SORBS2: variants seen among roughly 807,000 people sequenced by gnomAD.
The protein encoded by SORBS2 is sorbin and SH3 domain containing 2.
In SORBS2, 46 loss-of-function variants were observed where a neutral mutation model predicts 97.7. That is an observed-to-expected ratio of 0.47 (90% CI 0.37 to 0.60). The LOEUF (loss-of-function observed/expected upper bound fraction) is 0.60. Ranked by LOEUF, SORBS2 falls within the 20% of genes least tolerant of loss-of-function variation. The probability of loss-of-function intolerance (pLI) is 0.00; values close to 1 mark genes in which losing one functional copy is unlikely to be tolerated. For missense variants in SORBS2, 1,316 were observed against 1,282.3 expected (o/e 1.03, Z -0.40); for synonymous variants, 476 against 473.4 (o/e 1.01, Z -0.07).
chr4:185,874,274 G>T (rs13139354), intron 1 of SORBS2, among the ~76,000 whole-genome samples: 4 of 151,858 alleles, frequency 2.6e-5, no homozygotes, highest in African/African-American at 9.7e-5. Flanking sequence ...TAAAATACTC[G>T]CTGTGATCCC....
At chr4:185,721,355 G>A (rs955865867) in intron 2 of SORBS2, among the ~76,000 whole-genome samples, 6 of 152,156 alleles carry the variant, frequency 3.9e-5, no homozygotes, top group African/African-American at 1.2e-4. Context: ...GATTACAGGC[G>A]TGAGCCAGCA....
intron 1 of SORBS2, among the ~76,000 whole-genome samples, chr4:185,876,606 C>T (rs62334988): frequency 0.28 from 42,760 of 151,898 alleles, 6,248 homozygotes; most frequent in East Asian, 0.54. Context: ...AGATGCCCGC[C>T]AAGTGTCTTT....
chr4:185,666,165 A>G (rs745791718), intron 4 of SORBS2: 2 of 1,289,880 alleles, frequency 1.6e-6, no homozygotes, highest in South Asian at 2.5e-5. Flanking sequence ...TCTGTGAAGC[A>G]TTTACCTCCA....
chr4:185,694,212 C>T (rs1414534924), intron 2 of SORBS2, among the ~76,000 whole-genome samples: 1 of 152,216 alleles, frequency 6.6e-6, no homozygotes, highest in Non-Finnish European at 1.5e-5. Flanking sequence ...CTCTTTTGTT[C>T]TGCTCTGAAA....
At chr4:185,764,511 C>A (rs1397379793) in intron 2 of SORBS2, among the ~76,000 whole-genome samples, 1 of 152,066 alleles carries the variant, frequency 6.6e-6, no homozygotes, top group Non-Finnish European at 1.5e-5. Context: ...TTGAATTCAC[C>A]ATTTATAGAA....
At chr4:185,825,267 A>T (rs1255994635) in intron 1 of SORBS2, among the ~76,000 whole-genome samples, 1 of 93,848 alleles carries the variant, frequency 1.1e-5, no homozygotes, top group Non-Finnish European at 2.5e-5. Context: ...GTGCAATAAC[A>T]GTCAATGTAA....
chr4:185,657,574 C>T (rs759845876), upstream of SORBS2: 3 of 1,589,082 alleles, frequency 1.9e-6, no homozygotes, highest in Non-Finnish European at 2.6e-6. Flanking sequence ...ACTGCGCATG[C>T]TGGGGATATG....
intron 1 of SORBS2, among the ~76,000 whole-genome samples, chr4:185,847,834 G>T (rs1046079649): frequency 6.6e-6 from 1 of 152,152 alleles, no homozygotes; most frequent in African/African-American, 2.4e-5. Context: ...GGCTTCATCG[G>T]CAAGGATTGA....
At chr4:185,670,636 G>A (rs897040575) in intron 4 of SORBS2, among the ~76,000 whole-genome samples, 13 of 147,892 alleles carry the variant, frequency 8.8e-5, no homozygotes, top group Non-Finnish European at 1.2e-4. Context: ...TCTTGCTCTC[G>A]ACCTCCAAAA....
intron 1 of SORBS2, among the ~76,000 whole-genome samples, chr4:185,780,369 A>G (rs1391777398): frequency 1.3e-5 from 2 of 152,188 alleles, no homozygotes; most frequent in Non-Finnish European, 2.9e-5. Flanking sequence ...GAAGTGAAGC[A>G]TATGCAAGAA....
At chr4:185,691,548 T>C (rs2098094671) in intron 2 of SORBS2, among the ~76,000 whole-genome samples, 1 of 151,686 alleles carries the variant, frequency 6.6e-6, no homozygotes, top group Non-Finnish European at 1.5e-5. Context: ...ATGTAATGAA[T>C]GTAACGCATA....
At chr4:185,801,257 C>T (rs184265092) in intron 1 of SORBS2, among the ~76,000 whole-genome samples, 84 of 152,310 alleles carry the variant, frequency 5.5e-4, no homozygotes, top group African/African-American at 1.8e-3. Context: ...ATATACACCA[C>T]ATTTTCTTTA....
At chr4:185,652,498 C>T (rs1052983607) in intron 2 of SORBS2, among the ~76,000 whole-genome samples, 164 bp downstream of exon 10, 4 of 152,144 alleles carry the variant, frequency 2.6e-5, no homozygotes, top group South Asian at 2.1e-4. Flanking sequence ...AGGGATCTGT[C>T]ACCGGAGGGG....
chr4:185,930,768 G>C (rs1158144848), intron 1 of SORBS2, among the ~76,000 whole-genome samples: 1 of 152,146 alleles, frequency 6.6e-6, no homozygotes, highest in East Asian at 1.9e-4. Context: ...AAAAATCATA[G>C]TTTCTATATT....
intron 4 of SORBS2, among the ~76,000 whole-genome samples, chr4:185,644,280 C>T (rs1248254793): frequency 6.6e-6 from 1 of 152,202 alleles, no homozygotes; most frequent in Non-Finnish European, 1.5e-5. Context: ...GACCTATCCA[C>T]ACTCGAATCT....
At chr4:185,870,477 C>T (rs2099229783) in intron 1 of SORBS2, among the ~76,000 whole-genome samples, 1 of 152,236 alleles carries the variant, frequency 6.6e-6, no homozygotes. Flanking sequence ...ATGTTTCAAA[C>T]TGTTTGTCTC....
At chr4:185,748,908 A>AG (rs2098781406) in intron 2 of SORBS2, among the ~76,000 whole-genome samples, 1 of 152,158 alleles carries the variant, frequency 6.6e-6, no homozygotes, top group Admixed American at 6.5e-5. Flanking sequence ...CCTGAGAATG[A>AG]GGGGCCCCAT....
chr4:185,632,060 G>A (rs1011581902), intron 4 of SORBS2, among the ~76,000 whole-genome samples: 2 of 152,160 alleles, frequency 1.3e-5, no homozygotes, highest in African/African-American at 2.4e-5. Context: ...CTACTTAGTG[G>A]AAATCAAATC....
intron 1 of SORBS2, among the ~76,000 whole-genome samples, chr4:185,938,421 CA>C (rs2099270174): frequency 6.6e-6 from 1 of 151,682 alleles, no homozygotes; most frequent in African/African-American, 2.4e-5. Flanking sequence ...CACACACACA[CA>C]CACACACACC....
Sources: gnomAD v4.1 joint callset for allele counts (sites outside exome capture counted in the v4.1 genomes callset) on GRCh38, gnomAD v4.1.1 for gene constraint, MANE v1.5 for transcripts, NCBI Gene and HGNC (gene_info 2026-07-23, HGNC 2026-07-21) for gene names.